The following ZNF892 variants were observed in gnomAD, a reference collection of about 807,000 sequenced individuals.
ZNF892 encodes zinc finger protein 570-like.
At chr2:95,251,336 A>G in the ZNF892 span, among the ~76,000 whole-genome samples, 1 of 152,226 alleles carries the variant, frequency 6.6e-6, no homozygotes, top group Non-Finnish European at 1.5e-5. Context: ...GTAGGTAACA[A>G]TAAGACATTT....
At chr2:95,238,809 A>G in the ZNF892 span, among the ~76,000 whole-genome samples, 1 of 152,176 alleles carries the variant, frequency 6.6e-6, no homozygotes, top group Non-Finnish European at 1.5e-5. Context: ...GAAGTAATTG[A>G]TGATATGGCA....
chr2:95,212,226 A>T, the ZNF892 span: 1 of 398,354 alleles, frequency 2.5e-6, no homozygotes. Flanking sequence ...GTAATCTCTC[A>T]GTTGGAGCAT....
At chr2:95,227,243 C>T in the ZNF892 span, among the ~76,000 whole-genome samples, 74 of 151,912 alleles carry the variant, frequency 4.9e-4, no homozygotes, top group Non-Finnish European at 9.1e-4. Context: ...GAACTATTTG[C>T]GACAGGATTG....
At chr2:95,236,747 A>G in the ZNF892 span, among the ~76,000 whole-genome samples, 2 of 152,238 alleles carry the variant, frequency 1.3e-5, no homozygotes, top group African/African-American at 4.8e-5. Flanking sequence ...ACAAACAAAC[A>G]AAAAATAACA....
At chr2:95,233,486 A>G in the ZNF892 span, among the ~76,000 whole-genome samples, 1 of 151,402 alleles carries the variant, frequency 6.6e-6, no homozygotes, top group South Asian at 2.1e-4. Context: ...ATCCTGGCTA[A>G]CACGGTGAAA....
chr2:95,223,873 G>A, the ZNF892 span, among the ~76,000 whole-genome samples: 1 of 152,104 alleles, frequency 6.6e-6, no homozygotes, highest in Non-Finnish European at 1.5e-5. Flanking sequence ...GTGTACCCTC[G>A]AAATTCATAA....
At chr2:95,249,719 T>C in the ZNF892 span, among the ~76,000 whole-genome samples, 1 of 152,102 alleles carries the variant, frequency 6.6e-6, no homozygotes, top group Non-Finnish European at 1.5e-5. Flanking sequence ...TTTTTGGATG[T>C]GACAAAAATA....
At chr2:95,230,620 AGACCCCCGCGCTGGCTCCTCCGTCGCCG>A in the ZNF892 span, among the ~76,000 whole-genome samples, 1 of 152,302 alleles carries the variant, frequency 6.6e-6, no homozygotes, top group East Asian at 1.9e-4. Context: ...GGGAAGTGGC[AGACCCCCGCGCTGGCTCCTCCGTCGCCG>A]CCTCTGGGTG....
the ZNF892 span, among the ~76,000 whole-genome samples, chr2:95,217,581 AT>A: frequency 6.6e-6 from 1 of 152,216 alleles, no homozygotes; most frequent in Non-Finnish European, 1.5e-5. Context: ...TCCAAAATAC[AT>A]TTGTGATCTG....
At chr2:95,229,611 A>G in the ZNF892 span, among the ~76,000 whole-genome samples, 3 of 152,076 alleles carry the variant, frequency 2.0e-5, no homozygotes, top group Admixed American at 6.6e-5. Context: ...GTATGATTCA[A>G]CCATTCTGTA....
the ZNF892 span, among the ~76,000 whole-genome samples, chr2:95,225,375 C>G: frequency 8.5e-5 from 13 of 152,226 alleles, 2 homozygotes; most frequent in South Asian, 2.7e-3. Context: ...CAGGGAAGTT[C>G]GAGATCAAGG....
At chr2:95,243,477 A>G in the ZNF892 span, among the ~76,000 whole-genome samples, 1 of 144,568 alleles carries the variant, frequency 6.9e-6, no homozygotes, top group Non-Finnish European at 1.5e-5. Flanking sequence ...ATCGTCTGAG[A>G]TGTGGGGAGC....
chr2:95,236,904 T>C, the ZNF892 span, among the ~76,000 whole-genome samples: 1 of 152,132 alleles, frequency 6.6e-6, no homozygotes, highest in Non-Finnish European at 1.5e-5. Flanking sequence ...CATTGAAAAA[T>C]TTCTAGGAAT....
At chr2:95,215,200 A>G in the ZNF892 span, 2 of 455,392 alleles carry the variant, frequency 4.4e-6, no homozygotes, top group African/African-American at 4.0e-5. Context: ...GAGCGGCCAT[A>G]TGAGTGTAAC....
At chr2:95,243,526 TCTCTGCCCGGCCGC>T in the ZNF892 span, among the ~76,000 whole-genome samples, 3 of 139,548 alleles carry the variant, frequency 2.1e-5, no homozygotes, top group African/African-American at 8.2e-5. Flanking sequence ...GTGAGGAGCG[TCTCTGCCCGGCCGC>T]CCCGTCTGAG....
chr2:95,209,415 C>G, the ZNF892 span, among the ~76,000 whole-genome samples: 1 of 152,104 alleles, frequency 6.6e-6, no homozygotes. Context: ...ATTCCAGAGG[C>G]AAATGAAGGC....
chr2:95,252,866 T>A, the ZNF892 span, among the ~76,000 whole-genome samples: 2 of 152,254 alleles, frequency 1.3e-5, no homozygotes, highest in Non-Finnish European at 2.9e-5. Flanking sequence ...ATGTGTCTTT[T>A]GGCTGTGTAA....
At chr2:95,216,516 T>G in the ZNF892 span, among the ~76,000 whole-genome samples, 1 of 152,200 alleles carries the variant, frequency 6.6e-6, no homozygotes, top group African/African-American at 2.4e-5. Flanking sequence ...AAAGTTTAGT[T>G]GTAGATTTGC....
At chr2:95,224,941 C>T in the ZNF892 span, among the ~76,000 whole-genome samples, 1 of 152,172 alleles carries the variant, frequency 6.6e-6, no homozygotes, top group Non-Finnish European at 1.5e-5. Flanking sequence ...TGCCCTTTGG[C>T]CATGGAATGA....
Sources: allele counts gnomAD v4.1 joint callset (sites outside exome capture counted in the v4.1 genomes callset), GRCh38; gene constraint gnomAD v4.1.1; transcripts MANE v1.5; gene names NCBI Gene and HGNC (gene_info 2026-07-23, HGNC 2026-07-21).